The following ST8SIA1 variants were observed in gnomAD, a reference collection of about 807,000 sequenced individuals.
The protein encoded by ST8SIA1 is alpha-N-acetylneuraminide alpha-2,8-sialyltransferase.
In ST8SIA1, 16 loss-of-function variants were observed where a neutral mutation model predicts 35.9. The observed-to-expected ratio is 0.45, with a 90% CI of 0.30 to 0.68. The LOEUF (loss-of-function observed/expected upper bound fraction) is 0.68. Among genes scored for constraint, ST8SIA1 ranks in the 30% least tolerant of loss-of-function variants. The pLI, the probability that ST8SIA1 is intolerant of heterozygous loss-of-function variation, is 0.09. For missense variants in ST8SIA1, 383 were observed against 453.6 expected, an observed-to-expected ratio of 0.84 and a Z score of 1.41; for synonymous variants, 170 against 169.6, an observed-to-expected ratio of 1.00 and a Z score of -0.02.
chr12:22,231,562 A>G (rs962635360), intron 4 of ST8SIA1, among the ~76,000 whole-genome samples: 14 of 151,832 alleles, frequency 9.2e-5, no homozygotes, highest in Admixed American at 9.2e-4. Context: ...TAAGATTTTT[A>G]TTTTTATTTT....
chr12:22,211,730 T>C (rs1445367853), intron 4 of ST8SIA1, among the ~76,000 whole-genome samples: 1 of 152,196 alleles, frequency 6.6e-6, no homozygotes, highest in Non-Finnish European at 1.5e-5. Flanking sequence ...TTTTTTGAGA[T>C]GGCGTCTCGC....
chr12:22,281,970 C>T (rs920124081), intron 2 of ST8SIA1, among the ~76,000 whole-genome samples: 10 of 151,930 alleles, frequency 6.6e-5, no homozygotes, highest in Non-Finnish European at 1.5e-4. Context: ...GATCGTGCCA[C>T]TGCATTTTTA....
At chr12:22,319,823 G>A (rs1456267651) in intron 1 of ST8SIA1, among the ~76,000 whole-genome samples, 1 of 152,202 alleles carries the variant, frequency 6.6e-6, no homozygotes, top group Non-Finnish European at 1.5e-5. Flanking sequence ...CCCATTTGGA[G>A]TCTGCTTAGC....
intron 4 of ST8SIA1, among the ~76,000 whole-genome samples, chr12:22,207,519 C>A (rs1049340606): frequency 4.0e-4 from 61 of 152,216 alleles, no homozygotes; most frequent in African/African-American, 1.4e-3. Flanking sequence ...TTTCTTGGAA[C>A]ATAACTTGGG....
At chr12:22,281,425 G>A (rs915591375) in intron 2 of ST8SIA1, among the ~76,000 whole-genome samples, 1 of 152,226 alleles carries the variant, frequency 6.6e-6, no homozygotes, top group Admixed American at 6.5e-5. Flanking sequence ...GTTAGCATTA[G>A]GCCAAGAATG....
intron 1 of ST8SIA1, among the ~76,000 whole-genome samples, chr12:22,332,414 T>TA (rs34353400): frequency 0.01 from 1,557 of 152,186 alleles, 12 homozygotes; most frequent in Non-Finnish European, 0.016. Context: ...CCTCCTATAT[T>TA]AAAAAAATGG....
intron 1 of ST8SIA1, 24 bp downstream of exon 1, chr12:22,333,973 G>A (rs766680843): frequency 1.2e-6 from 2 of 1,605,304 alleles, no homozygotes; most frequent in Admixed American, 3.3e-5. Context: ...CGCTAGAGGG[G>A]AGGAGCCGCG....
intron 1 of ST8SIA1, among the ~76,000 whole-genome samples, chr12:22,300,847 T>C (rs754803602): frequency 6.6e-6 from 1 of 152,166 alleles, no homozygotes; most frequent in Non-Finnish European, 1.5e-5. Flanking sequence ...CTTTAAGATG[T>C]TAGGCTTCCT....
chr12:22,255,443 C>G, intron 2 of ST8SIA1, 54 bp from the exon 3 acceptor site: 1 of 1,445,282 alleles, frequency 6.9e-7, no homozygotes, highest in Non-Finnish European at 9.7e-7. Flanking sequence ...CAACCGCTCA[C>G]AAAATCATTG....
At chr12:22,333,448 G>A (rs1165182827) in intron 1 of ST8SIA1, among the ~76,000 whole-genome samples, 1 of 152,234 alleles carries the variant, frequency 6.6e-6, no homozygotes, top group Non-Finnish European at 1.5e-5. Context: ...AAATTGCACA[G>A]TATCGTCTCT....
chr12:22,211,262 G>A, intron 4 of ST8SIA1, among the ~76,000 whole-genome samples: 1 of 152,224 alleles, frequency 6.6e-6, no homozygotes, highest in East Asian at 1.9e-4. Flanking sequence ...TTTTATGGAA[G>A]CTTCATTACA....
rs747660052 is a variant in ST8SIA1 at position 22,201,718 on chromosome 12, A to C, written c.905T>G (p.Met302Arg). The part of the protein sequence containing the change: ...IYGFWPFSVN[M>R]HEQPISHHYY... Reference sequence around the variant, plus strand: ...GTGGTGGCTGATGGGCTGCTCATGCATATTCACAGAGAAGGGCCAGAAGCC... The same window carrying C: ...GTGGTGGCTGATGGGCTGCTCATGCCTATTCACAGAGAAGGGCCAGAAGCC... Residue 302 changes from methionine (M) to arginine (R), a missense_variant, in exon 5 of 5, where the codon ATG becomes AGG. By Grantham distance (91) the Met-to-Arg change is moderately conservative. Transcript: ENST00000396037. 4 of 1,613,996 alleles carry C rather than the reference A, an allele frequency of 2.5e-6. No individual in the cohort carries two copies. In the African/African-American group the frequency reaches 5.3e-5, roughly 22 times the overall value.
intron 2 of ST8SIA1, among the ~76,000 whole-genome samples, chr12:22,262,955 A>T (rs962955261): frequency 6.6e-6 from 1 of 152,140 alleles, no homozygotes; most frequent in African/African-American, 2.4e-5. Flanking sequence ...TTAAATATAG[A>T]TTTCTTGAAT....
At chr12:22,211,484 C>T (rs893068936) in intron 4 of ST8SIA1, among the ~76,000 whole-genome samples, 9 of 152,192 alleles carry the variant, frequency 5.9e-5, no homozygotes, top group Admixed American at 2.6e-4. Flanking sequence ...ATACAAAATA[C>T]ATCACCTTGT....
intron 2 of ST8SIA1, among the ~76,000 whole-genome samples, chr12:22,256,758 C>T (rs1226299767): frequency 6.6e-6 from 1 of 152,122 alleles, no homozygotes; most frequent in Admixed American, 6.5e-5. Flanking sequence ...GATAAAAATA[C>T]AGTACTTAAA....
intron 1 of ST8SIA1, among the ~76,000 whole-genome samples, chr12:22,309,436 G>A (rs994063139): frequency 1.3e-5 from 2 of 152,112 alleles, no homozygotes; most frequent in African/African-American, 4.8e-5. Flanking sequence ...TGACATCAGA[G>A]GGCCAAACAC....
chr12:22,223,555 G>A, intron 4 of ST8SIA1: 3 of 1,052,534 alleles, frequency 2.9e-6, no homozygotes, highest in Non-Finnish European at 3.4e-6. Context: ...TAAATGAGGA[G>A]ACAGGGGCCC....
chr12:22,208,509 C>A (rs1436572843), intron 4 of ST8SIA1, among the ~76,000 whole-genome samples: 1 of 151,778 alleles, frequency 6.6e-6, no homozygotes, highest in East Asian at 1.9e-4. Context: ...AAAATAAATA[C>A]AACATTTTTA....
chr12:22,326,796 A>G (rs1283002737), intron 1 of ST8SIA1, among the ~76,000 whole-genome samples: 1 of 152,210 alleles, frequency 6.6e-6, no homozygotes, highest in East Asian at 1.9e-4. Flanking sequence ...TAACTTGCCC[A>G]AGGTCACACA....
Sources: gnomAD v4.1 joint callset for allele counts (sites outside exome capture counted in the v4.1 genomes callset) on GRCh38, gnomAD v4.1.1 for gene constraint, MANE v1.5 for transcripts, NCBI Gene and HGNC (gene_info 2026-07-23, HGNC 2026-07-21) for gene names.